The following VPS53 variants were observed in gnomAD, a reference collection of about 807,000 sequenced individuals.
VPS53 encodes vacuolar protein sorting-associated protein 53 homolog.
VPS53 carries 70 observed loss-of-function variants against 107.0 expected under a neutral mutation model. That is an observed-to-expected ratio of 0.65 (90% CI 0.54 to 0.80). VPS53 has a LOEUF of 0.80. Among genes scored for constraint, VPS53 ranks in the 30% least tolerant of loss-of-function variants. The pLI is 0.00. For missense variants in VPS53, 917 were observed against 1,049.4 expected (o/e 0.87, Z 1.74); for synonymous variants, 409 against 393.3 (o/e 1.04, Z -0.47).
rs1365387709 is a variant in VPS53, at chr17:689,366, T to C, written c.285+8052A>G. ...AGGCTGCAGTGTAGAGGTGCCATCA[T>C]AGACTGCTGTAACCTCAAACCCCTG... is the stretch of plus-strand genomic sequence containing the variant. On this transcript the variant is annotated intron_variant, in intron 4 of 21. Transcript: ENST00000437048. Among the ~76,000 whole-genome samples the C allele has an allele frequency of 4.6e-5, 7 of 151,830 alleles. No homozygotes were observed. The East Asian group carries it at 9.7e-4, about 21-fold the overall frequency.
intron 13 of VPS53, among the ~76,000 whole-genome samples, chr17:572,609 T>C (rs903284623): frequency 3.3e-5 from 5 of 151,688 alleles, no homozygotes; most frequent in African/African-American, 1.2e-4. Context: ...GGGGAAAAGA[T>C]TGAGAAATCG....
At position 660,595 on chromosome 17, in the gene VPS53, G is replaced by A. The variant is rs538016832; in HGVS notation, c.372+1214C>T. Among the ~76,000 whole-genome samples, 36 of 152,110 alleles carry A rather than the reference G, an allele frequency of 2.4e-4. No individual in the cohort carries two copies. The East Asian group carries it at 6.0e-3, about 25-fold the overall frequency. ...ATCGGATACTCTCGCTGATCTTCAC[G>A]CTTTGAGGGCCCCTGGTGCTGCTGG... On this transcript the variant is annotated intron_variant, in intron 5 of 21. Transcript: ENST00000437048.
chr17:665,784 C>T (rs182154377), intron 4 of VPS53, among the ~76,000 whole-genome samples: 26 of 152,194 alleles, frequency 1.7e-4, no homozygotes, highest in Admixed American at 1.6e-3. Flanking sequence ...GCGGGCGGAT[C>T]GCCTGAGGTC....
intron 1 of VPS53, among the ~76,000 whole-genome samples, chr17:711,559 C>T (rs11871883): frequency 0.085 from 12,878 of 152,228 alleles, 634 homozygotes; most frequent in Non-Finnish European, 0.11. Flanking sequence ...CTCAATGATA[C>T]GTGCTCACCA....
At chr17:614,099 G>T (rs1969028548) in intron 11 of VPS53, among the ~76,000 whole-genome samples, 1 of 152,208 alleles carries the variant, frequency 6.6e-6, no homozygotes, top group East Asian at 1.9e-4. Flanking sequence ...ATTCGTAACT[G>T]CCCAGGACTG....
intron 4 of VPS53, among the ~76,000 whole-genome samples, chr17:687,998 G>T (rs1240548067): frequency 2.0e-5 from 3 of 152,112 alleles, no homozygotes; most frequent in African/African-American, 7.2e-5. Flanking sequence ...AAAATGCCCA[G>T]TCCTTCACTG....
intron 19 of VPS53, 101 bp from the exon 20 acceptor site, chr17:521,839 C>T (rs1039287093): frequency 1.6e-6 from 2 of 1,271,898 alleles, no homozygotes; most frequent in African/African-American, 3.1e-5. Context: ...ACACGTAACA[C>T]ATTCTTGTTG....
chr17:551,154 G>A (rs1418914257), intron 17 of VPS53, among the ~76,000 whole-genome samples: 1 of 151,814 alleles, frequency 6.6e-6, no homozygotes, highest in East Asian at 1.9e-4. Flanking sequence ...AAAGAGGGGT[G>A]AAAGACATGG....
chr17:526,764 G>A (rs755073708), intron 19 of VPS53, among the ~76,000 whole-genome samples: 1 of 152,224 alleles, frequency 6.6e-6, no homozygotes, highest in East Asian at 1.9e-4. Flanking sequence ...TGTGAAGGCT[G>A]ATCACCCAGC....
rs1357761897 is a variant in VPS53 at position 515,802 on chromosome 17, G to C, written c.*3326C>G. ...GGCATGGTCCCCACCACCACCAAAA[G>C]TCTTTTTTTTTTAACTGAGTCTCAC... is the stretch of plus-strand genomic sequence containing the variant. On this transcript the variant is annotated 3_prime_UTR_variant, in exon 22 of 22. Transcript: ENST00000437048. 2.7e-5 allele frequency: 4 copies of C among 148,240 alleles called. No homozygotes were observed. Among genetic ancestry groups the C allele is most frequent in the African/African-American group, 9.8e-5 (4 of 40,672 alleles). 9.2% of individuals were successfully genotyped at this position (148,240 alleles called of 1,614,324 possible).
intron 5 of VPS53, among the ~76,000 whole-genome samples, chr17:657,956 T>G (rs976721539): frequency 6.7e-6 from 1 of 148,278 alleles, no homozygotes; most frequent in Non-Finnish European, 1.5e-5. Flanking sequence ...AGTGAGAAAC[T>G]CGGCAGGGAG....
chr17:582,870 C>T (rs924572520), intron 13 of VPS53, among the ~76,000 whole-genome samples: 21 of 148,772 alleles, frequency 1.4e-4, no homozygotes, highest in Admixed American at 1.1e-3. Context: ...GGACCTAATG[C>T]GTTCCCAGAG....
At chr17:544,764 C>A (rs1911051506) in intron 17 of VPS53, among the ~76,000 whole-genome samples, 1 of 152,148 alleles carries the variant, frequency 6.6e-6, no homozygotes, top group African/African-American at 2.4e-5. Context: ...ATTATCAACT[C>A]ATACAGGTTA....
In VPS53 at chr17:562,749, G is replaced by T; in HGVS notation, c.1314-4C>A. On this transcript the variant is annotated splice_polypyrimidine_tract_variant and splice_region_variant and intron_variant, in intron 13 of 21. Coordinates refer to ENST00000437048, the MANE Select transcript of VPS53 (RefSeq NM_001128159.3). Reference sequence around the variant, plus strand: ...ATCTATCAGCTCTCCGAGGTTCCTAGGAGGAAAAAAAAAAACCAAAAATGT... The same window carrying T: ...ATCTATCAGCTCTCCGAGGTTCCTATGAGGAAAAAAAAAAACCAAAAATGT... 1 of 1,580,058 alleles carries T rather than the reference G, an allele frequency of 6.3e-7. No individual in the cohort carries two copies.
At chr17:558,511 G>A (rs890218129) in intron 15 of VPS53, among the ~76,000 whole-genome samples, 23 of 152,268 alleles carry the variant, frequency 1.5e-4, no homozygotes, top group East Asian at 9.6e-4. Context: ...ATGGGAACCC[G>A]TAGTCCCAGC....
chr17:663,350 GAGACCAGAAAGTT>G (rs2076183444), intron 4 of VPS53, among the ~76,000 whole-genome samples: 1 of 152,256 alleles, frequency 6.6e-6, no homozygotes, highest in Non-Finnish European at 1.5e-5. Flanking sequence ...GTGACATGTG[GAGACCAGAAAGTT>G]CCTGTGAGTG....
intron 5 of VPS53, chr17:657,184 T>C: frequency 7.8e-6 from 12 of 1,528,988 alleles, no homozygotes; most frequent in Non-Finnish European, 1.1e-5. Flanking sequence ...AGGGATTCCT[T>C]TTGTGCCCAC....
intron 13 of VPS53, among the ~76,000 whole-genome samples, chr17:570,631 G>T (rs1238226483): frequency 6.6e-6 from 1 of 152,152 alleles, no homozygotes; most frequent in African/African-American, 2.4e-5. Flanking sequence ...AAAGAGACAT[G>T]ACAACTAAAT....
chr17:693,919 C>T (rs60604159), intron 4 of VPS53, among the ~76,000 whole-genome samples: 83 of 152,120 alleles, frequency 5.5e-4, no homozygotes, highest in Non-Finnish European at 1.0e-4. Flanking sequence ...GAACGTGGGG[C>T]CTCTTGACCT....
Sources: gnomAD v4.1 joint callset for allele counts (sites outside exome capture counted in the v4.1 genomes callset) on GRCh38, gnomAD v4.1.1 for gene constraint, MANE v1.5 for transcripts, NCBI Gene and HGNC (gene_info 2026-07-23, HGNC 2026-07-21) for gene names.